Variants in RAPGEF3 observed in about 807,000 individuals in gnomAD.
RAPGEF3 encodes 9330170P05Rik.
Under a neutral mutation model 129.8 loss-of-function variants are expected in RAPGEF3, and 103 were observed. The ratio of observed to expected loss-of-function variants is 0.79; its 90% CI spans 0.68 to 0.93. The LOEUF (loss-of-function observed/expected upper bound fraction) is 0.93, where lower values mean the gene tolerates loss of function less well. RAPGEF3 is among the 40% of genes least tolerant of loss of function. RAPGEF3 has a pLI of 0.00. For synonymous variants in RAPGEF3, 436 were observed against 482.6 expected, an observed-to-expected ratio of 0.90 and a Z score of 1.26; for missense variants, 1,117 against 1,207.4, an observed-to-expected ratio of 0.93 and a Z score of 1.11.
intron 18 of RAPGEF3, among the ~76,000 whole-genome samples, chr12:47,742,447 ATC>A (rs1413427302): frequency 6.6e-6 from 1 of 152,180 alleles, no homozygotes; most frequent in Non-Finnish European, 1.5e-5. Flanking sequence ...ACAGGTGACC[ATC>A]TCTCCCCACT....
At position 47,747,615 on chromosome 12, in the gene RAPGEF3, G is replaced by C; in HGVS notation, c.1485C>G (p.Asp495Glu). The change falls in exon 15 of 28, where the codon GAC becomes GAG. Residue 495 changes from aspartate to glutamate, a missense_variant. Asp to Glu is a conservative substitution (Grantham distance 45). Transcript: ENST00000449771. ...TGAGTCGGGTGTCCCTGCCCACCAG[G>C]TCTGAGAGTTTCTAAGAAGAGCCAA... ...VATSFLQKLS[D>E]LVGRDTRLSN... 1 of 1,614,038 alleles carries C rather than the reference G, an allele frequency of 6.2e-7. No individual in the cohort carries two copies. Among genetic ancestry groups the C allele is most frequent in the South Asian group, 1.1e-5 (1 of 91,090 alleles).
chr12:47,751,016 TG>T, intron 6 of RAPGEF3, 31 bp downstream of exon 6: 1 of 1,585,942 alleles, frequency 6.3e-7, no homozygotes, highest in Non-Finnish European at 8.6e-7. Flanking sequence ...GTGTGAGGCC[TG>T]GGGTCACGGG....
In RAPGEF3 at chr12:47,749,909, C is replaced by G. The variant is rs1316834853; in HGVS notation, c.817+21G>C. ...CATGTCCAGGCCCTGTGCCTGGCTT[C>G]TTATGCCCTGCTGGACTTACACACG... On this transcript the variant is annotated intron_variant, in intron 8 of 27. Transcript: ENST00000449771. The surrounding 1 kb of genome is among the most constrained non-coding windows in gnomAD (Gnocchi z 4.5). 6.2e-7 allele frequency: 1 copy of G among 1,614,230 alleles called. No homozygotes were observed.
chr12:47,737,595 G>A lies in RAPGEF3; in HGVS notation c.2744C>T (p.Ser915Phe), dbSNP rs1437847546. The change falls in exon 28 of 28, where the codon TCC (serine) becomes TTC (phenylalanine). Residue 915 changes from serine to phenylalanine, a missense_variant. Around this residue, in one of 3 missense-constraint regions of RAPGEF3, gnomAD observed 643 missense variants for 673.4 expected, o/e 0.95. Coordinates refer to ENST00000449771, the MANE Select transcript of RAPGEF3 (RefSeq NM_001098531.4). The stretch of plus-strand genomic sequence containing the variant: ...TGGCTCCAGCTCTCGGGAGAGGCGG[G>A]AGAGTTCCCGCTGGTTGTCAATGAC... The part of the protein sequence containing the change: ...LKVIDNQREL[S>F]RLSRELEP The A allele has an allele frequency of 1.2e-6, 2 of 1,604,276 alleles. No homozygotes were observed. Among genetic ancestry groups the A allele is most frequent in the African/African-American group, 2.7e-5 (2 of 74,916 alleles).
intron 12 of RAPGEF3, 22 bp downstream of exon 12, chr12:47,748,432 G>T: frequency 6.3e-7 from 1 of 1,599,944 alleles, no homozygotes; most frequent in Non-Finnish European, 8.6e-7. Flanking sequence ...CAGAAAGCAG[G>T]CAGGGTGTCT....
In RAPGEF3 at chr12:47,740,222, C is replaced by T. The variant is rs760027550; in HGVS notation, c.2323-31G>A. On this transcript the variant is annotated intron_variant, in intron 22 of 27. Transcript: ENST00000449771. ...AAAAGGAGGCAGATGAGCGGCTGCT[C>T]TGGGGGAGGCCCAGCCCCATCCAGC... 333 of 1,613,190 alleles carry T rather than the reference C, an allele frequency of 2.1e-4. 1 individual carries two copies. Among genetic ancestry groups the T allele is most frequent in the Admixed American group, 5.0e-4 (30 of 59,966 alleles).
rs1309577323 is a variant in RAPGEF3 at position 47,748,854 on chromosome 12, G to A, written c.1119C>T (p.Ala373=). The A allele has an allele frequency of 1.1e-5, 17 of 1,613,870 alleles. No homozygotes were observed. The highest frequency in any genetic ancestry group is 4.0e-5 in the African/African-American group (3 of 74,872). Residue 373 remains alanine (A), a synonymous_variant, in exon 11 of 28, where the codon GCC becomes GCT. Transcript: ENST00000449771. ...CTGGGGTTGGGGGTCGGGAAGGGCC[G>A]GCGCCCTGAGAGGCTCTCTCCAGCA... ...VLVLERASQG[A]GPSRPPTPGR... is the part of the protein sequence containing the mutation.
chr12:47,758,371 C>T, intron 1 of RAPGEF3, 180 bp downstream of exon 1: 1 of 1,484,594 alleles, frequency 6.7e-7, no homozygotes, highest in Non-Finnish European at 9.0e-7. Context: ...ATCTCCACTA[C>T]CTCCCAGTAT....
At position 47,740,304 on chromosome 12, in the gene RAPGEF3, C is replaced by G. The variant is rs968180383; in HGVS notation, c.2322+1G>C. 10 of 1,613,940 alleles carry G rather than the reference C, an allele frequency of 6.2e-6. No individual in the cohort carries two copies. The highest frequency in any genetic ancestry group is 8.5e-6 in the Non-Finnish European group (10 of 1,179,852). On this transcript the variant is annotated splice_donor_variant, in intron 22 of 27. Transcript: ENST00000449771. LOFTEE classifies it high-confidence loss of function. The stretch of plus-strand genomic sequence containing the variant: ...GAGGGGGCCCTCCAGACCACACTTA[C>G]CTCCCAGGTGTGGGCTAGGCGGCTG...
At chr12:47,757,820 A>C in intron 2 of RAPGEF3, 46 bp downstream of exon 2, 3 of 1,506,872 alleles carry the variant, frequency 2.0e-6, no homozygotes, top group Non-Finnish European at 9.0e-7. Context: ...GCCCCCCTCT[A>C]GCTCTGGTAC....
At chr12:47,744,185 C>T (rs1385833602) in intron 16 of RAPGEF3, 117 bp from the exon 17 acceptor site, 6 of 797,566 alleles carry the variant, frequency 7.5e-6, no homozygotes, top group Non-Finnish European at 1.0e-5. Flanking sequence ...GCATTCACAC[C>T]ACCAGAGGGC....
chr12:47,740,496 G>T, intron 21 of RAPGEF3, 101 bp from the exon 22 acceptor site: 1 of 1,484,010 alleles, frequency 6.7e-7, no homozygotes, highest in South Asian at 1.2e-5. Flanking sequence ...GATCCAAGCT[G>T]GATGGGGTGG....
At chr12:47,741,716 C>T (rs1187410392) in intron 18 of RAPGEF3, 114 bp from the exon 19 acceptor site, 3 of 881,616 alleles carry the variant, frequency 3.4e-6, no homozygotes, top group Middle Eastern at 3.2e-4. Context: ...CTCCTAGTAG[C>T]GGGGTTGAAG....
rs1940910804 is a variant in RAPGEF3, at chr12:47,738,191, A to G, written c.2581+2T>C. On this transcript the variant is annotated splice_donor_variant, in intron 26 of 27. Transcript: ENST00000449771. LOFTEE classifies it high-confidence loss of function. ...TCCCACCCCGGGGACCCGCCCTCTC[A>G]CCAGGGTTGTGGCTTCGGCAGTGGT... 6.2e-7 allele frequency: 1 copy of G among 1,613,692 alleles called. No individual in the cohort carries two copies. The highest frequency in any genetic ancestry group is 1.1e-5 in the South Asian group (1 of 91,064).
chr12:47,739,885 G>T, intron 23 of RAPGEF3: 1 of 571,178 alleles, frequency 1.8e-6, no homozygotes, highest in Admixed American at 3.0e-5. Context: ...CTTCACACAG[G>T]ATCTCCTGCC....
chr12:47,740,947 G>T lies in RAPGEF3; in HGVS notation c.2017C>A (p.His673Asn), dbSNP rs749573837. The T allele has an allele frequency of 1.2e-6, 2 of 1,613,834 alleles. No individual in the cohort carries two copies. The highest frequency in any genetic ancestry group is 1.6e-4 in the Middle Eastern group (1 of 6,084). ...AKDLAGQLTD[H>N]DWSLFNSIHQ... is the part of the protein sequence containing the mutation. ...ATACTGTTGAAGAGGCTCCAGTCGT[G>T]GTCCGTCAGCTGGCCTGCCAGGTCC... is the stretch of plus-strand genomic sequence containing the variant. The change falls in exon 20 of 28, where the codon CAC (histidine) becomes AAC (asparagine). Residue 673 changes from histidine (H) to asparagine (N), a missense_variant. By Grantham distance (68) the His-to-Asn change is moderately conservative. Coordinates refer to ENST00000449771, the MANE Select transcript of RAPGEF3 (RefSeq NM_001098531.4).
At chr12:47,748,991 T>TTCCAGCCC in intron 10 of RAPGEF3, 60 bp from the exon 11 acceptor site, 1 of 1,336,110 alleles carries the variant, frequency 7.5e-7, no homozygotes, top group Non-Finnish European at 1.1e-6. Flanking sequence ...GACCCTCTCA[T>TTCCAGCCC]CTACCTCCTT....
chr12:47,743,894 C>T, intron 17 of RAPGEF3, 93 bp downstream of exon 17: 2 of 1,436,698 alleles, frequency 1.4e-6, no homozygotes, highest in Non-Finnish European at 1.9e-6. Context: ...GGCCCAGGCA[C>T]ACCGAGGTCA....
rs963036825 is a variant in RAPGEF3 at position 47,744,096 on chromosome 12, G to A, written c.1597-28C>T. ...GGGAGGAAGAGGAACGAGAAAATAA[G>A]GCTGGGAGGACATGAGAGGAGACCG... On this transcript the variant is annotated intron_variant, in intron 16 of 27. Coordinates refer to ENST00000449771, the MANE Select transcript of RAPGEF3 (RefSeq NM_001098531.4). 7 of 1,538,916 alleles carry A rather than the reference G, an allele frequency of 4.5e-6. No homozygotes were observed. The Admixed American group carries it at 5.1e-5, about 11-fold the overall frequency.
Sources: gnomAD v4.1 joint callset for allele counts (sites outside exome capture counted in the v4.1 genomes callset) on GRCh38, gnomAD v4.1.1 for gene constraint, gnomAD v4.1.1 regional missense constraint, Gnocchi (gnomAD v3.1) non-coding constraint, MANE v1.5 for transcripts, NCBI Gene and HGNC (gene_info 2026-07-23, HGNC 2026-07-21) for gene names.